The following ADAMTSL1 variants were observed in gnomAD, a reference collection of about 807,000 sequenced individuals.
ADAMTSL1 encodes ADAMTS like 1, also known as ADAMTS-like protein 1.
ADAMTSL1 carries 126 observed loss-of-function variants against 201.8 expected under a neutral mutation model. That is an observed-to-expected ratio of 0.62 (90% CI 0.54 to 0.72). ADAMTSL1 has a LOEUF of 0.72. Ranked by LOEUF, ADAMTSL1 falls within the 30% of genes least tolerant of loss-of-function variation. The pLI is 0.00. For synonymous variants in ADAMTSL1, 1,121 were observed against 903.4 expected, an observed-to-expected ratio of 1.24 and a Z score of -4.32; for missense variants, 2,679 against 2,277.8, an observed-to-expected ratio of 1.18 and a Z score of -3.59.
At chr9:18,314,954 G>A (rs554778813) in intron 2 of ADAMTSL1, among the ~76,000 whole-genome samples, 46 of 150,830 alleles carry the variant, frequency 3.0e-4, no homozygotes, top group Non-Finnish European at 4.4e-4. Context: ...CCGCTACCAC[G>A]CCCGGCTAAT....
chr9:18,356,927 T>G (rs1157364505), intron 2 of ADAMTSL1, among the ~76,000 whole-genome samples: 6 of 152,170 alleles, frequency 3.9e-5, no homozygotes, highest in African/African-American at 1.4e-4. Flanking sequence ...TTAAAGTCCA[T>G]CACTCCTAGT....
chr9:18,841,646 G>A (rs374299417), intron 23 of ADAMTSL1, among the ~76,000 whole-genome samples: 7 of 152,238 alleles, frequency 4.6e-5, no homozygotes, highest in East Asian at 3.9e-4. Context: ...GGTAGAATTC[G>A]GCTGTGAATC....
intron 28 of ADAMTSL1, chr9:18,907,151 C>T (rs1321260005): frequency 1.9e-6 from 1 of 536,908 alleles, no homozygotes; most frequent in African/African-American, 1.9e-5. Context: ...CTGAGAGAGC[C>T]AGGTGCTATT....
intron 2 of ADAMTSL1, among the ~76,000 whole-genome samples, chr9:18,318,007 T>C (rs1328323876): frequency 6.6e-6 from 1 of 152,156 alleles, no homozygotes; most frequent in African/African-American, 2.4e-5. Context: ...ACACTGGACA[T>C]GTTGGATATA....
intron 1 of ADAMTSL1, among the ~76,000 whole-genome samples, chr9:18,135,026 A>G (rs986921065): frequency 9.9e-5 from 15 of 152,156 alleles, no homozygotes; most frequent in African/African-American, 3.6e-4. Context: ...GGGAATCAAT[A>G]CTGCCATTGC....
chr9:18,469,326 G>A (rs1181843997), upstream of ADAMTSL1, among the ~76,000 whole-genome samples: 1 of 152,172 alleles, frequency 6.6e-6, no homozygotes, highest in Non-Finnish European at 1.5e-5. Flanking sequence ...TTGGAGATAT[G>A]ATTTGGGCAA....
At chr9:18,347,676 G>A (rs572100059) in intron 2 of ADAMTSL1, among the ~76,000 whole-genome samples, 4 of 152,088 alleles carry the variant, frequency 2.6e-5, no homozygotes, top group Non-Finnish European at 5.9e-5. Flanking sequence ...AATCAGTTGG[G>A]CATGTCCTAG....
chr9:18,129,359 A>G (rs1825858026), intron 1 of ADAMTSL1, among the ~76,000 whole-genome samples: 1 of 152,182 alleles, frequency 6.6e-6, no homozygotes, highest in Admixed American at 6.5e-5. Context: ...TTTTAAAAAT[A>G]AGAACATTGC....
intron 5 of ADAMTSL1, among the ~76,000 whole-genome samples, chr9:18,635,291 T>C (rs980297755): frequency 1.3e-5 from 2 of 152,192 alleles, no homozygotes; most frequent in African/African-American, 4.8e-5. Context: ...TTAAGCTCAA[T>C]TTATAAATAG....
At chr9:18,886,447 C>G (rs1478260678) in intron 23 of ADAMTSL1, among the ~76,000 whole-genome samples, 3 of 152,144 alleles carry the variant, frequency 2.0e-5, no homozygotes, top group East Asian at 3.9e-4. Flanking sequence ...ACCCACACAT[C>G]CACAGAGGGT....
intron 2 of ADAMTSL1, among the ~76,000 whole-genome samples, chr9:18,309,614 G>GAGTA (rs527871171): frequency 1.5e-4 from 23 of 152,018 alleles, no homozygotes; most frequent in African/African-American, 4.8e-4. Flanking sequence ...AAATACCTAG[G>GAGTA]AGTACAACTT....
intron 2 of ADAMTSL1, among the ~76,000 whole-genome samples, chr9:18,275,300 T>G (rs1020917485): frequency 2.0e-5 from 3 of 152,226 alleles, no homozygotes; most frequent in African/African-American, 7.2e-5. Flanking sequence ...AAAACTGTTC[T>G]TCACAGCACT....
At chr9:18,285,313 CT>C (rs1050427834) in intron 2 of ADAMTSL1, among the ~76,000 whole-genome samples, 4 of 151,974 alleles carry the variant, frequency 2.6e-5, no homozygotes, top group Non-Finnish European at 4.4e-5. Context: ...TATATGTTAT[CT>C]AATTTAATTC....
At chr9:18,869,839 A>G (rs1027046202) in intron 23 of ADAMTSL1, among the ~76,000 whole-genome samples, 1 of 152,158 alleles carries the variant, frequency 6.6e-6, no homozygotes, top group Non-Finnish European at 1.5e-5. Context: ...ATTTCCCAAA[A>G]TTTGGGAAGT....
chr9:18,313,802 A>G (rs1295100101), intron 2 of ADAMTSL1, among the ~76,000 whole-genome samples: 1 of 152,196 alleles, frequency 6.6e-6, no homozygotes, highest in Non-Finnish European at 1.5e-5. Flanking sequence ...TATGACTGCA[A>G]AAGTACAGGT....
intron 2 of ADAMTSL1, among the ~76,000 whole-genome samples, chr9:18,183,918 A>G (rs1407697929): frequency 6.6e-6 from 1 of 152,218 alleles, no homozygotes; most frequent in East Asian, 1.9e-4. Context: ...CAAACTAATT[A>G]AATACCGTGA....
At chr9:18,306,604 T>C (rs1199835959) in intron 2 of ADAMTSL1, among the ~76,000 whole-genome samples, 1 of 151,936 alleles carries the variant, frequency 6.6e-6, no homozygotes, top group East Asian at 1.9e-4. Flanking sequence ...AGATTGAAGA[T>C]CAACTTGATG....
intron 15 of ADAMTSL1, among the ~76,000 whole-genome samples, chr9:18,739,153 A>G (rs961140689): frequency 6.6e-6 from 1 of 152,230 alleles, no homozygotes; most frequent in African/African-American, 2.4e-5. Context: ...TTACAGCAGT[A>G]CCCAGCACAT....
intron 2 of ADAMTSL1, among the ~76,000 whole-genome samples, chr9:18,388,755 A>AT (rs935396980): frequency 1.2e-4 from 18 of 145,070 alleles, no homozygotes; most frequent in South Asian, 2.2e-4. Context: ...ATAGCACTGA[A>AT]TTTTTTTTTC....
Sources: gnomAD v4.1 joint callset for allele counts (sites outside exome capture counted in the v4.1 genomes callset) on GRCh38, gnomAD v4.1.1 for gene constraint, MANE v1.5 for transcripts, NCBI Gene and HGNC (gene_info 2026-07-23, HGNC 2026-07-21) for gene names.